Variants in ASPH observed in about 807,000 individuals in gnomAD.
The protein encoded by ASPH is aspartate beta-hydroxylase.
Under a neutral mutation model 118.4 loss-of-function variants are expected in ASPH, and 100 were observed. The ratio of observed to expected loss-of-function variants is 0.84; its 90% CI spans 0.72 to 1.00. ASPH has a LOEUF of 1.00. ASPH is among the 50% of genes least tolerant of loss of function. The pLI is 0.00. For missense variants in ASPH, 920 were observed against 919.5 expected (o/e 1.00, Z -0.01); for synonymous variants, 315 against 325.6 (o/e 0.97, Z 0.35).
In ASPH at chr8:61,644,740, A is replaced by G. The variant is rs1411030333; in HGVS notation, c.620-108T>C. On this transcript the variant is annotated intron_variant, in intron 6 of 24. Coordinates refer to ENST00000379454, the MANE Select transcript of ASPH (RefSeq NM_004318.4). ...GCTTATCATTAATTTTATTTAAAAA[A>G]TTAAAAAATGGGACTATCAATTAAA... The G allele has an allele frequency of 7.3e-6, 6 of 820,566 alleles. 1 individual carries two copies. Among genetic ancestry groups the G allele is most frequent in the Non-Finnish European group, 1.0e-5 (6 of 574,244 alleles). 50.8% of individuals were successfully genotyped at this position (820,566 alleles called of 1,614,324 possible).
At chr8:61,584,620 TTTCTTTCTTTCC>T (rs1258210385) in intron 14 of ASPH, among the ~76,000 whole-genome samples, 1 of 138,182 alleles carries the variant, frequency 7.2e-6, no homozygotes, top group African/African-American at 2.9e-5. Context: ...CTTTTTCTTC[TTTCTTTCTTTCC>T]TTCTTTCTTT....
intron 14 of ASPH, among the ~76,000 whole-genome samples, chr8:61,591,807 G>T (rs1313115036): frequency 2.6e-5 from 4 of 152,062 alleles, no homozygotes; most frequent in African/African-American, 9.7e-5. Flanking sequence ...TAACCATTTT[G>T]CTATATCTTT....
Position 61,674,762 on chromosome 8 carries a change from C to A in ASPH, c.322+6206G>T, listed in dbSNP as rs538858469. Reference sequence around the variant, plus strand: ...CCTCAGAATAAATGGATGAATGATACACTTATTGAAAGTAATTTGATTAGA... The same window carrying A: ...CCTCAGAATAAATGGATGAATGATAAACTTATTGAAAGTAATTTGATTAGA... On this transcript the variant is annotated intron_variant, in intron 3 of 24. Coordinates refer to ENST00000379454, the MANE Select transcript of ASPH (RefSeq NM_004318.4). 9.2e-5 allele frequency among the ~76,000 whole-genome samples: 14 copies of A among 152,234 alleles called. No individual in the cohort carries two copies. In the South Asian group the frequency reaches 2.9e-3, roughly 32 times the overall value.
intron 3 of ASPH, among the ~76,000 whole-genome samples, chr8:61,654,992 AT>A (rs1454607779): frequency 1.3e-5 from 2 of 152,158 alleles, no homozygotes; most frequent in East Asian, 3.9e-4. Flanking sequence ...TTAAATAATC[AT>A]TTTTACATCC....
chr8:61,700,997 C>T (rs932679918), intron 1 of ASPH, among the ~76,000 whole-genome samples: 5 of 152,178 alleles, frequency 3.3e-5, no homozygotes, highest in Non-Finnish European at 5.9e-5. Context: ...GTGTATACAA[C>T]ATGTAACCCA....
At chr8:61,706,414 AAAAAAAAAAAAAAAAG>A (rs1436712959) in intron 1 of ASPH, among the ~76,000 whole-genome samples, 1 of 145,150 alleles carries the variant, frequency 6.9e-6, no homozygotes, top group African/African-American at 2.7e-5. Flanking sequence ...CAAAAAAAAA[AAAAAAAAAAAAAAAAG>A]AAGAAGAAGA....
At chr8:61,530,836 T>C (rs1177925529) in intron 21 of ASPH, among the ~76,000 whole-genome samples, 1 of 152,226 alleles carries the variant, frequency 6.6e-6, no homozygotes, top group Non-Finnish European at 1.5e-5. Context: ...TTTCTTCTGT[T>C]GTTAACCTGC....
Position 61,518,262 on chromosome 8 carries a change from T to A in ASPH, c.1901-139A>T. 3 of 668,866 alleles carry A rather than the reference T, an allele frequency of 4.5e-6. No homozygotes were observed. The East Asian group carries it at 8.5e-5, about 19-fold the overall frequency. 41.4% of individuals were successfully genotyped at this position (668,866 alleles called of 1,614,324 possible). ...TAAACATGAGAAGATGAAGTAGGAA[T>A]GCAAAAGGCTTATTGGAAATAAATA... On this transcript the variant is annotated intron_variant, in intron 22 of 24. Coordinates refer to ENST00000379454, the MANE Select transcript of ASPH (RefSeq NM_004318.4).
At chr8:61,563,304 C>T (rs1035644746) in intron 17 of ASPH, among the ~76,000 whole-genome samples, 13 of 152,028 alleles carry the variant, frequency 8.6e-5, no homozygotes, top group Non-Finnish European at 1.9e-4. Context: ...GTATGCAATT[C>T]GAAAAGGCAC....
At position 61,550,228 on chromosome 8, in the gene ASPH, A is replaced by G. The variant is rs1029048046; in HGVS notation, c.1627-2020T>C. Among the ~76,000 whole-genome samples the G allele has an allele frequency of 4.6e-5, 7 of 152,260 alleles. No homozygotes were observed. The East Asian group carries it at 5.8e-4, about 13-fold the overall frequency. On this transcript the variant is annotated intron_variant, in intron 20 of 24. Transcript: ENST00000379454. ...CTATAAAATCAAAGATCAAGTTAGA[A>G]TCCCCTGAAAATTTCTCTACTATTT...
At chr8:61,672,462 G>A (rs1426433069) in intron 3 of ASPH, among the ~76,000 whole-genome samples, 2 of 151,458 alleles carry the variant, frequency 1.3e-5, no homozygotes, top group Admixed American at 1.3e-4. Flanking sequence ...AACTCAAAAT[G>A]TCATTTCTAT....
At chr8:61,607,078 A>G (rs1247258293) in intron 14 of ASPH, 2 of 494,718 alleles carry the variant, frequency 4.0e-6, no homozygotes, top group Non-Finnish European at 7.1e-6. Context: ...CATTTTGTTC[A>G]TAGTCTCTAC....
rs192433034 is a variant in ASPH, at chr8:61,585,507, G to T, written c.977-1478C>A. Reference sequence around the variant, plus strand: ...AGGAAGACGGGCTGTTCTTTCTAAGGTCCCCTCTCCGCCAACACACACACC... The same window carrying T: ...AGGAAGACGGGCTGTTCTTTCTAAGTTCCCCTCTCCGCCAACACACACACC... On this transcript the variant is annotated intron_variant, in intron 14 of 24. Coordinates refer to ENST00000379454, the MANE Select transcript of ASPH (RefSeq NM_004318.4). Among the ~76,000 whole-genome samples the T allele has an allele frequency of 2.1e-3, 327 of 152,250 alleles. 1 individual carries two copies. The highest frequency in any genetic ancestry group is 4.0e-3 in the Non-Finnish European group (273 of 68,020).
intron 1 of ASPH, among the ~76,000 whole-genome samples, chr8:61,685,016 G>C (rs1487397667): frequency 6.6e-6 from 1 of 152,088 alleles, no homozygotes. Context: ...TCTGAGAAGA[G>C]GAAAAGTTTA....
At chr8:61,593,725 T>G (rs1463841665) in intron 14 of ASPH, among the ~76,000 whole-genome samples, 1 of 152,196 alleles carries the variant, frequency 6.6e-6, no homozygotes, top group Non-Finnish European at 1.5e-5. Context: ...TGACCCCATA[T>G]GTTAAATTAG....
intron 3 of ASPH, among the ~76,000 whole-genome samples, chr8:61,672,743 CA>C (rs1378116770): frequency 6.6e-6 from 1 of 152,168 alleles, no homozygotes; most frequent in Non-Finnish European, 1.5e-5. Context: ...GTCATCTCAA[CA>C]AATAACAAAG....
At chr8:61,636,453 G>A (rs1389229629) in intron 12 of ASPH, among the ~76,000 whole-genome samples, 1 of 152,142 alleles carries the variant, frequency 6.6e-6, no homozygotes, top group Non-Finnish European at 1.5e-5. Context: ...AACCGGCCAA[G>A]AGAAGAGGAG....
intron 15 of ASPH, among the ~76,000 whole-genome samples, chr8:61,582,073 C>T (rs548803415): frequency 6.6e-6 from 1 of 152,120 alleles, no homozygotes; most frequent in Non-Finnish European, 1.5e-5. Flanking sequence ...TCTGAAAATA[C>T]TAGCCATAAA....
intron 12 of ASPH, among the ~76,000 whole-genome samples, chr8:61,634,768 TTC>T (rs1320033190): frequency 1.3e-5 from 2 of 152,222 alleles, no homozygotes; most frequent in Admixed American, 6.5e-5. Context: ...TTCTCAGAAT[TTC>T]TTTTACTTTT....
Sources: allele counts gnomAD v4.1 joint callset (sites outside exome capture counted in the v4.1 genomes callset), GRCh38; gene constraint gnomAD v4.1.1; transcripts MANE v1.5; gene names NCBI Gene and HGNC (gene_info 2026-07-23, HGNC 2026-07-21).